THSD7B: variants seen among roughly 807,000 people sequenced by gnomAD.
The protein encoded by THSD7B is thrombospondin type 1 domain containing 7B.
Under a neutral mutation model 213.6 loss-of-function variants are expected in THSD7B, and 138 were observed. The ratio of observed to expected loss-of-function variants is 0.65; its 90% CI spans 0.56 to 0.74. The LOEUF is 0.74. Ranked by LOEUF, THSD7B falls within the 30% of genes least tolerant of loss-of-function variation. The pLI, the probability that THSD7B is intolerant of heterozygous loss-of-function variation, is 0.00. For missense variants in THSD7B, 1,931 were observed against 1,991.5 expected, an observed-to-expected ratio of 0.97 and a Z score of 0.58; for synonymous variants, 742 against 687.0, an observed-to-expected ratio of 1.08 and a Z score of -1.25.
chr2:136,944,712 C>CT (rs146788302), intron 2 of THSD7B, among the ~76,000 whole-genome samples: 2,757 of 127,746 alleles, frequency 0.022, 128 homozygotes, highest in East Asian at 0.2. Flanking sequence ...GCAACCCCTG[C>CT]TTTTTTTTTT....
chr2:137,564,051 C>G (rs1375363), intron 16 of THSD7B, among the ~76,000 whole-genome samples: 39,707 of 152,116 alleles, frequency 0.26, 5,284 homozygotes, highest in Middle Eastern at 0.36. Flanking sequence ...ACAATTAAAA[C>G]AGCAGAAGTT....
intron 10 of THSD7B, among the ~76,000 whole-genome samples, chr2:137,270,554 A>C (rs1333778073): frequency 6.6e-6 from 1 of 152,228 alleles, no homozygotes. Flanking sequence ...ATGACAGAAC[A>C]TTAATGGGTA....
chr2:137,267,366 A>G (rs961292310), intron 10 of THSD7B, among the ~76,000 whole-genome samples: 2 of 152,208 alleles, frequency 1.3e-5, no homozygotes, highest in African/African-American at 2.4e-5. Context: ...GGTTGGAAAC[A>G]TCACTCACAA....
intron 1 of THSD7B, among the ~76,000 whole-genome samples, chr2:136,841,224 G>T (rs549520098): frequency 3.3e-4 from 50 of 152,230 alleles, no homozygotes; most frequent in African/African-American, 1.2e-3. Context: ...ACTCCGTAGT[G>T]TGCTTAAAAA....
chr2:137,622,846 C>G (rs1682546145), intron 20 of THSD7B, among the ~76,000 whole-genome samples: 1 of 152,002 alleles, frequency 6.6e-6, no homozygotes, highest in African/African-American at 2.4e-5. Context: ...AATAGACTAC[C>G]AACCAAAAAA....
intron 16 of THSD7B, among the ~76,000 whole-genome samples, chr2:137,563,980 G>T (rs952376650): frequency 2.0e-5 from 3 of 152,150 alleles, no homozygotes; most frequent in African/African-American, 7.2e-5. Context: ...ATTTTGAAAT[G>T]ATTTTGAAAG....
chr2:137,347,596 G>A (rs1684906197), intron 12 of THSD7B, among the ~76,000 whole-genome samples: 1 of 147,966 alleles, frequency 6.8e-6, no homozygotes, highest in Admixed American at 6.8e-5. Context: ...AGGAGAAGCA[G>A]TAGAGCATAA....
At chr2:137,309,653 C>A (rs963747968) in intron 12 of THSD7B, among the ~76,000 whole-genome samples, 3 of 152,000 alleles carry the variant, frequency 2.0e-5, no homozygotes, top group Non-Finnish European at 2.9e-5. Flanking sequence ...CTATCCCTAC[C>A]CCTACCCCCA....
chr2:137,372,323 C>CTTTTTT lies in THSD7B; in HGVS notation c.2501-33267_2501-33262dup, dbSNP rs55635315. Among the ~76,000 whole-genome samples, 12 of 57,514 alleles carry CTTTTTT rather than the reference C, an allele frequency of 2.1e-4. 1 individual carries two copies. The highest frequency in any genetic ancestry group is 2.7e-4 in the Non-Finnish European group (8 of 29,880). The allele number at this position is 57,514 out of a possible 152,430, so 37.7% of individuals were successfully genotyped here. On this transcript the variant is annotated intron_variant, in intron 12 of 27. Coordinates refer to ENST00000409968, the MANE Select transcript of THSD7B (RefSeq NM_001316349.2). The stretch of plus-strand genomic sequence containing the variant: ...AGGCCAGAGAGAGTCTGATAATACT[C>CTTTTTT]TTTTTTTTTTTTTTTTTTTTTTTTT...
intron 3 of THSD7B, among the ~76,000 whole-genome samples, chr2:137,073,051 T>C (rs1170515708): frequency 6.6e-6 from 1 of 152,182 alleles, no homozygotes; most frequent in Non-Finnish European, 1.5e-5. Flanking sequence ...TCAAGGATAT[T>C]GGTCTAAAAT....
chr2:137,486,403 T>C (rs1688444549), intron 15 of THSD7B, among the ~76,000 whole-genome samples: 1 of 151,204 alleles, frequency 6.6e-6, no homozygotes, highest in South Asian at 2.1e-4. Flanking sequence ...CAAAGGCCAT[T>C]ACATAATGGT....
chr2:137,601,274 C>A (rs1032398088), intron 17 of THSD7B, among the ~76,000 whole-genome samples: 1 of 152,192 alleles, frequency 6.6e-6, no homozygotes, highest in African/African-American at 2.4e-5. Flanking sequence ...TATTCACTCA[C>A]TGCTCACTCA....
chr2:137,269,062 CAGAG>C (rs1029724558), intron 10 of THSD7B, among the ~76,000 whole-genome samples: 1 of 151,960 alleles, frequency 6.6e-6, no homozygotes, highest in Non-Finnish European at 1.5e-5. Flanking sequence ...CACAAACACA[CAGAG>C]AGAGAGAGAC....
At chr2:136,770,793 G>A (rs1431506790) in intron 1 of THSD7B, among the ~76,000 whole-genome samples, 1 of 151,996 alleles carries the variant, frequency 6.6e-6, no homozygotes, top group African/African-American at 2.4e-5. Flanking sequence ...AATTTTCTCT[G>A]TGTCTAATAT....
chr2:137,446,677 T>C (rs1245202886), intron 14 of THSD7B, among the ~76,000 whole-genome samples: 1 of 152,064 alleles, frequency 6.6e-6, no homozygotes, highest in Admixed American at 6.5e-5. Context: ...AAAGTATCCC[T>C]AGGCCAAGTA....
intron 7 of THSD7B, among the ~76,000 whole-genome samples, chr2:137,200,551 A>G (rs1373587137): frequency 6.6e-6 from 1 of 152,166 alleles, no homozygotes. Flanking sequence ...TTAAATGCAA[A>G]CACACATGTG....
At chr2:137,285,933 A>G (rs1178178779) in intron 12 of THSD7B, among the ~76,000 whole-genome samples, 8 of 151,750 alleles carry the variant, frequency 5.3e-5, no homozygotes, top group Non-Finnish European at 1.2e-4. Flanking sequence ...GTGAAACCCC[A>G]TCTCTACTAA....
At chr2:137,196,913 G>A (rs1284680419) in intron 7 of THSD7B, among the ~76,000 whole-genome samples, 3 of 152,110 alleles carry the variant, frequency 2.0e-5, no homozygotes, top group African/African-American at 4.8e-5. Context: ...AAAGATCAGC[G>A]GTAATAGGGC....
chr2:137,316,080 G>A (rs1684090819), intron 12 of THSD7B, among the ~76,000 whole-genome samples: 1 of 151,764 alleles, frequency 6.6e-6, no homozygotes, highest in South Asian at 2.1e-4. Flanking sequence ...TTATTACTTG[G>A]GTAATACAAT....
Sources: gnomAD v4.1 joint callset for allele counts (sites outside exome capture counted in the v4.1 genomes callset) on GRCh38, gnomAD v4.1.1 for gene constraint, MANE v1.5 for transcripts, NCBI Gene and HGNC (gene_info 2026-07-23, HGNC 2026-07-21) for gene names.